The following KATNAL2 variants were observed in gnomAD, a reference collection of about 807,000 sequenced individuals.
KATNAL2 encodes katanin p60 ATPase-containing subunit A-like 2.
A neutral mutation model predicts 76.3 loss-of-function variants in KATNAL2; 52 were observed. That is an observed-to-expected ratio of 0.68 (90% confidence interval 0.55 to 0.86). KATNAL2 has a LOEUF of 0.86. KATNAL2 is among the 40% of genes least tolerant of loss of function. The pLI is 0.00. For synonymous variants in KATNAL2, 243 were observed against 244.2 expected (o/e 1.00, Z 0.05); for missense variants, 660 against 668.9 (o/e 0.99, Z 0.15).
At chr18:47,035,245 G>C (rs572647337) in intron 3 of KATNAL2, 14 of 1,612,808 alleles carry the variant, frequency 8.7e-6, no homozygotes, top group South Asian at 7.7e-5. Context: ...TGCGTGCAGC[G>C]TAGTGGACCC....
chr18:47,051,268 A>C (rs2061333479), intron 4 of KATNAL2, among the ~76,000 whole-genome samples: 1 of 152,046 alleles, frequency 6.6e-6, no homozygotes, highest in Non-Finnish European at 1.5e-5. Context: ...TCTACAAAAA[A>C]TAAAATAAAA....
intron 10 of KATNAL2, among the ~76,000 whole-genome samples, 153 bp from the exon 11 acceptor site, chr18:47,066,868 T>C (rs574071606): frequency 0.02 from 1,484 of 75,690 alleles, 171 homozygotes; most frequent in South Asian, 0.033. Flanking sequence ...TATATATATA[T>C]ATATATATAT....
intron 15 of KATNAL2, among the ~76,000 whole-genome samples, chr18:47,084,049 G>T (rs527338793): frequency 2.6e-5 from 4 of 152,328 alleles, no homozygotes; most frequent in African/African-American, 7.2e-5. Context: ...TAAGATCCAA[G>T]AGATGGAATA....
chr18:47,038,554 G>A (rs1294757911), intron 3 of KATNAL2, among the ~76,000 whole-genome samples: 3 of 152,086 alleles, frequency 2.0e-5, no homozygotes, highest in Non-Finnish European at 4.4e-5. Context: ...TTGCTGGGTC[G>A]ACAGGTATGC....
chr18:46,922,697 T>C (rs1357057552), intron 1 of KATNAL2, among the ~76,000 whole-genome samples: 1 of 151,678 alleles, frequency 6.6e-6, no homozygotes, highest in Non-Finnish European at 1.5e-5. Context: ...CTTGGGAGGC[T>C]GAAGCAGGAG....
intron 3 of KATNAL2, among the ~76,000 whole-genome samples, chr18:47,042,942 C>T (rs961179693): frequency 2.0e-5 from 3 of 152,100 alleles, no homozygotes; most frequent in South Asian, 2.1e-4. Flanking sequence ...AAAATGAGAT[C>T]GTAGGCTGGG....
At chr18:47,059,188 G>A (rs1408867986) in intron 7 of KATNAL2, among the ~76,000 whole-genome samples, 2 of 152,192 alleles carry the variant, frequency 1.3e-5, no homozygotes, top group Non-Finnish European at 2.9e-5. Flanking sequence ...TGGGAGGCTA[G>A]TTGACTCTGC....
intron 15 of KATNAL2, among the ~76,000 whole-genome samples, chr18:47,087,447 A>C (rs1476081691): frequency 3.3e-5 from 5 of 152,152 alleles, no homozygotes; most frequent in African/African-American, 1.2e-4. Context: ...TAACACAGGA[A>C]CAGAAAACCA....
chr18:46,951,833 C>T (rs1023756707), intron 3 of KATNAL2, among the ~76,000 whole-genome samples: 2 of 152,040 alleles, frequency 1.3e-5, no homozygotes, highest in East Asian at 3.9e-4. Context: ...AGCAGTGGCC[C>T]GACCTTGGCT....
chr18:47,069,421 T>C, intron 12 of KATNAL2, 61 bp from the exon 13 acceptor site: 1 of 1,422,430 alleles, frequency 7.0e-7, no homozygotes, highest in Non-Finnish European at 9.8e-7. Flanking sequence ...GACTGACTTC[T>C]GTCTATAAGC....
At chr18:47,090,293 G>T (rs2062944380) in intron 15 of KATNAL2, among the ~76,000 whole-genome samples, 1 of 152,052 alleles carries the variant, frequency 6.6e-6, no homozygotes. Context: ...TATTAGTAGA[G>T]ACAGGGTTTC....
chr18:47,090,479 T>G (rs554556389), intron 15 of KATNAL2, among the ~76,000 whole-genome samples: 2 of 152,262 alleles, frequency 1.3e-5, no homozygotes, highest in East Asian at 3.9e-4. Flanking sequence ...CCACATCATA[T>G]GGTCCATAAT....
chr18:46,962,065 C>T (rs1273574291), intron 3 of KATNAL2, among the ~76,000 whole-genome samples: 1 of 152,162 alleles, frequency 6.6e-6, no homozygotes, highest in Non-Finnish European at 1.5e-5. Flanking sequence ...TGAGGAAATG[C>T]ATAGGCTGCT....
intron 15 of KATNAL2, among the ~76,000 whole-genome samples, chr18:47,080,769 T>C (rs1389331856): frequency 1.3e-5 from 2 of 152,236 alleles, no homozygotes; most frequent in East Asian, 3.8e-4. Flanking sequence ...TTGATTTGCA[T>C]TTCTCTGAGA....
chr18:46,926,777 G>T (rs2058740469), intron 1 of KATNAL2, among the ~76,000 whole-genome samples: 2 of 152,016 alleles, frequency 1.3e-5, no homozygotes, highest in Admixed American at 1.3e-4. Context: ...TCCTGTATTG[G>T]GTGCATATAT....
chr18:47,035,500 G>T, intron 3 of KATNAL2: 2 of 838,610 alleles, frequency 2.4e-6, no homozygotes, highest in Non-Finnish European at 3.7e-6. Context: ...GGGATGTGGA[G>T]CCACAGCCTG....
chr18:47,067,816 T>C (rs1385355640), intron 11 of KATNAL2, among the ~76,000 whole-genome samples: 2 of 152,228 alleles, frequency 1.3e-5, no homozygotes, highest in African/African-American at 4.8e-5. Flanking sequence ...CAGTTGGAGC[T>C]GGGCTCAGCT....
At chr18:47,096,846 G>A (rs2063264303) in intron 15 of KATNAL2, among the ~76,000 whole-genome samples, 1 of 152,074 alleles carries the variant, frequency 6.6e-6, no homozygotes, top group Admixed American at 6.6e-5. Flanking sequence ...TATTTGGAAT[G>A]AAAAATCCAG....
At chr18:47,064,014 T>C (rs938802110) in intron 10 of KATNAL2, among the ~76,000 whole-genome samples, 10 of 152,284 alleles carry the variant, frequency 6.6e-5, no homozygotes, top group African/African-American at 2.4e-4. Flanking sequence ...GACTGAAACC[T>C]AGGCAGGCTC....
Sources: gnomAD v4.1 joint callset for allele counts (sites outside exome capture counted in the v4.1 genomes callset) on GRCh38, gnomAD v4.1.1 for gene constraint, MANE v1.5 for transcripts, NCBI Gene and HGNC (gene_info 2026-07-23, HGNC 2026-07-21) for gene names.